MTMR3: variants seen among roughly 807,000 people sequenced by gnomAD.
MTMR3 encodes the protein myotubularin related protein 3, also known as phosphatidylinositol-3,5-bisphosphate 3-phosphatase MTMR3.
In MTMR3, 32 loss-of-function variants were observed where a neutral mutation model predicts 132.4. That is an observed-to-expected ratio of 0.24 (90% confidence interval 0.18 to 0.32). MTMR3 has a LOEUF of 0.32. MTMR3 is among the 10% of genes least tolerant of loss of function. The probability of loss-of-function intolerance (pLI) is 1.00; values close to 1 mark genes in which losing one functional copy is unlikely to be tolerated. For synonymous variants in MTMR3, 556 were observed against 550.3 expected (o/e 1.01, Z -0.14); for missense variants, 1,216 against 1,489.6 (o/e 0.82, Z 3.02).
intron 13 of MTMR3, 153 bp from the exon 14 acceptor site, chr22:30,013,203 C>T: frequency 1.6e-6 from 1 of 610,678 alleles, no homozygotes. Flanking sequence ...AAGTGTGTGC[C>T]TCATCAGGGA....
chr22:29,981,548 G>C (rs879683707), intron 5 of MTMR3: 1 of 152,134 alleles, frequency 6.6e-6, no homozygotes, highest in African/African-American at 2.4e-5. Context: ...AAAAGCCCAG[G>C]GTAGGCCGGG....
intron 12 of MTMR3, 35 bp from the exon 13 acceptor site, chr22:30,012,333 A>T (rs1351557482): frequency 7.5e-6 from 12 of 1,592,246 alleles, no homozygotes; most frequent in Non-Finnish European, 9.4e-6. Context: ...ATCATAAAAA[A>T]ATCAGCATTT....
chr22:29,896,327 A>C (rs976949444), intron 1 of MTMR3, among the ~76,000 whole-genome samples: 9 of 152,146 alleles, frequency 5.9e-5, no homozygotes, highest in African/African-American at 1.9e-4. Flanking sequence ...AACAAACAAA[A>C]AAAACTTTTT....
chr22:29,919,341 G>A (rs929006660), intron 1 of MTMR3, among the ~76,000 whole-genome samples: 1 of 152,014 alleles, frequency 6.6e-6, no homozygotes, highest in African/African-American at 2.4e-5. Context: ...GATTTCTCAC[G>A]TATCTGGTGA....
chr22:29,896,283 C>G (rs1193397771), intron 1 of MTMR3, among the ~76,000 whole-genome samples: 2 of 152,152 alleles, frequency 1.3e-5, no homozygotes, highest in Non-Finnish European at 2.9e-5. Flanking sequence ...GCACTCCAGC[C>G]TAGGTGATAG....
Position 30,016,520 on chromosome 22 carries a change from T to A in MTMR3, c.1504-8T>A. The A allele has an allele frequency of 6.2e-7, 1 of 1,612,804 alleles. No individual in the cohort carries two copies. Among genetic ancestry groups the A allele is most frequent in the Non-Finnish European group, 8.5e-7 (1 of 1,179,322 alleles). On this transcript the variant is annotated splice_region_variant and splice_polypyrimidine_tract_variant and intron_variant, in intron 14 of 19. Coordinates refer to ENST00000401950, the MANE Select transcript of MTMR3 (RefSeq NM_021090.4). Reference sequence around the variant, plus strand: ...TTGCTTAATTTGTGCTTCATTGGACTTCCATAGGTGAAACTGGTGCAGCAT... The same window carrying A: ...TTGCTTAATTTGTGCTTCATTGGACATCCATAGGTGAAACTGGTGCAGCAT...
chr22:29,972,907 G>A (rs1445640967), intron 3 of MTMR3, among the ~76,000 whole-genome samples: 2 of 152,118 alleles, frequency 1.3e-5, no homozygotes, highest in Admixed American at 1.3e-4. Flanking sequence ...TGTCTCATAT[G>A]TATGTTTTAT....
intron 1 of MTMR3, among the ~76,000 whole-genome samples, chr22:29,930,857 A>G (rs1309923308): frequency 6.6e-6 from 1 of 151,804 alleles, no homozygotes; most frequent in Non-Finnish European, 1.5e-5. Context: ...AAATAAAAAA[A>G]TTAGCTGGTC....
intron 2 of MTMR3, among the ~76,000 whole-genome samples, chr22:29,968,103 A>G (rs1458501411): frequency 6.6e-6 from 1 of 152,172 alleles, no homozygotes; most frequent in Non-Finnish European, 1.5e-5. Flanking sequence ...TCTTAGGTAT[A>G]TACCCAGGAG....
At chr22:29,978,559 AATATTTATTTAGCATT>A (rs1394352604) in intron 4 of MTMR3, 28 bp downstream of exon 4, 17 of 1,559,276 alleles carry the variant, frequency 1.1e-5, no homozygotes, top group African/African-American at 2.7e-5. Flanking sequence ...TTAAATGTAA[AATATTTATTTAGCATT>A]AACTGTATAG....
At chr22:29,960,213 A>AT (rs2012386592) in intron 2 of MTMR3, among the ~76,000 whole-genome samples, 1 of 152,196 alleles carries the variant, frequency 6.6e-6, no homozygotes, top group Admixed American at 6.5e-5. Flanking sequence ...TCAATATATG[A>AT]TCCCAGACTA....
chr22:29,945,232 T>G (rs1160942267), intron 1 of MTMR3, among the ~76,000 whole-genome samples: 1 of 152,160 alleles, frequency 6.6e-6, no homozygotes, highest in Non-Finnish European at 1.5e-5. Context: ...CTCGAACTCC[T>G]AGGCTCCAGC....
At chr22:29,986,500 TTG>T (rs1260823514) in intron 5 of MTMR3, 2 of 770,848 alleles carry the variant, frequency 2.6e-6, no homozygotes, top group African/African-American at 1.9e-5. Flanking sequence ...GTAGGTTTGT[TTG>T]TTTTTTTTTT....
intron 7 of MTMR3, chr22:29,992,127 C>T (rs913892047): frequency 3.2e-5 from 5 of 154,030 alleles, no homozygotes; most frequent in African/African-American, 9.6e-5. Flanking sequence ...GTTGCCCAGG[C>T]TGGAGTGCAA....
intron 1 of MTMR3, among the ~76,000 whole-genome samples, chr22:29,906,274 G>GTCTA (rs1568998324): frequency 1.3e-4 from 16 of 123,054 alleles, no homozygotes; most frequent in African/African-American, 5.1e-4. Flanking sequence ...CTGTCTGTCT[G>GTCTA]TCTGTCTGTC....
chr22:29,942,443 C>G (rs147609352), intron 1 of MTMR3, among the ~76,000 whole-genome samples: 1 of 152,092 alleles, frequency 6.6e-6, no homozygotes, highest in Non-Finnish European at 1.5e-5. Context: ...GTTTCGGGCA[C>G]GCATTGTCAT....
At position 30,028,500 on chromosome 22, in the gene MTMR3, T is replaced by C. The variant is rs1214718724; in HGVS notation, c.*2699T>C. The C allele has an allele frequency of 6.6e-6, 1 of 152,380 alleles. No homozygotes were observed. Among genetic ancestry groups the C allele is most frequent in the African/African-American group, 2.4e-5 (1 of 41,470 alleles). The allele number at this position is 152,380 out of a possible 1,614,324, so 9.4% of individuals were successfully genotyped here. A position where few individuals can be genotyped will look rare whatever the true frequency, so the allele number is the denominator to read the frequency against. ...CTCTTCACAGAGGTAGATTTTTCTT[T>C]ACCCTACAGCACTGTTGGGCATCCC... On this transcript the variant is annotated 3_prime_UTR_variant, in exon 20 of 20. Coordinates refer to ENST00000401950, the MANE Select transcript of MTMR3 (RefSeq NM_021090.4).
At chr22:29,918,552 A>T (rs2093669747) in intron 1 of MTMR3, among the ~76,000 whole-genome samples, 1 of 152,186 alleles carries the variant, frequency 6.6e-6, no homozygotes, top group Non-Finnish European at 1.5e-5. Context: ...AGGCACTGTT[A>T]GGTTATAGGC....
chr22:29,997,965 T>G (rs980773341), intron 7 of MTMR3: 1 of 152,258 alleles, frequency 6.6e-6, no homozygotes, highest in African/African-American at 2.4e-5. Context: ...TGGAAAACTC[T>G]CAAGTTCTAA....
Sources: allele counts gnomAD v4.1 joint callset (sites outside exome capture counted in the v4.1 genomes callset), GRCh38; gene constraint gnomAD v4.1.1; transcripts MANE v1.5; gene names NCBI Gene and HGNC (gene_info 2026-07-23, HGNC 2026-07-21).